The following UQCC1 variants were observed in gnomAD, a reference collection of about 807,000 sequenced individuals.
UQCC1 encodes the protein ubiquinol-cytochrome c reductase complex assembly factor 1, also known as bFGF-repressed Zic-binding protein.
A neutral mutation model predicts 48.0 loss-of-function variants in UQCC1; 38 were observed. The ratio of observed to expected loss-of-function variants is 0.79; its 90% CI spans 0.61 to 1.04. The LOEUF is 1.04. Among genes scored for constraint, UQCC1 ranks in the 50% least tolerant of loss-of-function variants. UQCC1 has a pLI of 0.00. For missense variants in UQCC1, 368 were observed against 381.8 expected (o/e 0.96, Z 0.30); for synonymous variants, 111 against 129.2 (o/e 0.86, Z 0.95).
At chr20:35,410,777 A>C (rs13039522) in intron 1 of UQCC1, among the ~76,000 whole-genome samples, 8 of 141,744 alleles carry the variant, frequency 5.6e-5, no homozygotes, top group Admixed American at 1.4e-4. Flanking sequence ...AAAAAAAAAA[A>C]CCACTAAATT....
At chr20:35,409,862 G>C (rs997435939) in intron 1 of UQCC1, among the ~76,000 whole-genome samples, 2 of 151,946 alleles carry the variant, frequency 1.3e-5, no homozygotes, top group African/African-American at 2.4e-5. Flanking sequence ...CTGGACTGCA[G>C]TGGCACAATC....
intron 6 of UQCC1, among the ~76,000 whole-genome samples, chr20:35,355,760 A>G (rs1234698011): frequency 6.6e-6 from 1 of 152,094 alleles, no homozygotes; most frequent in African/African-American, 2.4e-5. Context: ...CTCAGCTACT[A>G]GTTTCTTAGG....
chr20:35,313,669 A>T (rs780681673), intron 8 of UQCC1, among the ~76,000 whole-genome samples: 3 of 152,168 alleles, frequency 2.0e-5, no homozygotes, highest in African/African-American at 4.8e-5. Context: ...GCTGGAGTGC[A>T]GTGGCGCAAT....
intron 7 of UQCC1, among the ~76,000 whole-genome samples, chr20:35,335,131 T>A (rs1418046844): frequency 6.6e-6 from 1 of 152,232 alleles, no homozygotes; most frequent in Non-Finnish European, 1.5e-5. Context: ...AATTTCATTA[T>A]AAACAAATGA....
chr20:35,353,929 AT>A (rs2061518318), intron 6 of UQCC1, among the ~76,000 whole-genome samples: 1 of 152,278 alleles, frequency 6.6e-6, no homozygotes, highest in East Asian at 1.9e-4. Context: ...CAAGAATACC[AT>A]TTTTTATTTC....
At chr20:35,348,810 C>T (rs755383470) in intron 6 of UQCC1, among the ~76,000 whole-genome samples, 40 of 152,136 alleles carry the variant, frequency 2.6e-4, no homozygotes, top group Non-Finnish European at 4.3e-4. Flanking sequence ...TGCACCACCA[C>T]GCCCAGCTAA....
chr20:35,339,271 C>T (rs1314567382), intron 7 of UQCC1, among the ~76,000 whole-genome samples: 1 of 152,136 alleles, frequency 6.6e-6, no homozygotes, highest in Non-Finnish European at 1.5e-5. Flanking sequence ...GTTTAAGACA[C>T]CAGAAATCCA....
chr20:35,331,858 A>G (rs2061260898), intron 7 of UQCC1, among the ~76,000 whole-genome samples: 1 of 152,212 alleles, frequency 6.6e-6, no homozygotes, highest in South Asian at 2.1e-4. Flanking sequence ...TGCTATTGAA[A>G]ATGTCCAAAT....
intron 4 of UQCC1, among the ~76,000 whole-genome samples, chr20:35,379,584 C>T (rs1217849597): frequency 1.3e-5 from 2 of 152,164 alleles, no homozygotes; most frequent in Non-Finnish European, 2.9e-5. Flanking sequence ...CAGGCGGAAT[C>T]ACTTGAGGTC....
chr20:35,387,404 T>C (rs1185931063), intron 2 of UQCC1, among the ~76,000 whole-genome samples: 1 of 152,196 alleles, frequency 6.6e-6, no homozygotes, highest in Non-Finnish European at 1.5e-5. Context: ...CTGCTCCTTT[T>C]AGCAACTATA....
Position 35,303,950 on chromosome 20 carries a change from G to A in UQCC1, c.885C>T (p.Asn295=), listed in dbSNP as rs752307048. The A allele has an allele frequency of 1.9e-6, 3 of 1,614,092 alleles. No individual in the cohort carries two copies. The highest frequency in any genetic ancestry group is 1.7e-5 in the Admixed American group (1 of 60,008). ...SILKPHSPTY[N]DEGL is the part of the protein sequence containing the mutation. ...GCCCAGCCCATCAAAGTCCCTCGTC[G>A]TTGTAAGTCGGAGAATGGGGCTTCA... Residue 295 remains asparagine (N), a synonymous_variant, in exon 10 of 10, where the codon AAC becomes AAT. Transcript: ENST00000374385.
At chr20:35,308,714 C>CTTTGT (rs748466461) in intron 8 of UQCC1, among the ~76,000 whole-genome samples, 6 of 152,158 alleles carry the variant, frequency 3.9e-5, no homozygotes, top group Non-Finnish European at 8.8e-5. Context: ...ATTTGCTTTG[C>CTTTGT]TTTGTTTTGT....
intron 7 of UQCC1, among the ~76,000 whole-genome samples, chr20:35,343,392 A>G (rs1158153399): frequency 1.3e-5 from 2 of 152,150 alleles, no homozygotes; most frequent in African/African-American, 4.8e-5. Context: ...TACACTGCCT[A>G]TTACTTCTCC....
In UQCC1 at chr20:35,346,911, G is replaced by C. The variant is rs937979697; in HGVS notation, c.573+253C>G. ...CATCCCTCCTATCACCACGATTTGG[G>C]CTTTACAATCCCATCTCCATACAGG... On this transcript the variant is annotated intron_variant, in intron 7 of 9. Coordinates refer to ENST00000374385, the MANE Select transcript of UQCC1 (RefSeq NM_018244.5). 1.2e-5 allele frequency: 16 copies of C among 1,353,708 alleles called. No individual in the cohort carries two copies. The Admixed American group carries it at 4.0e-4, about 34-fold the overall frequency. The allele number at this position is 1,353,708 out of a possible 1,614,324, so 83.9% of individuals were successfully genotyped here.
intron 7 of UQCC1, among the ~76,000 whole-genome samples, chr20:35,318,507 C>T (rs1477122885): frequency 3.9e-5 from 6 of 152,200 alleles, no homozygotes; most frequent in Non-Finnish European, 8.8e-5. Flanking sequence ...CCAGGAAAAA[C>T]GGAGTGCAAG....
chr20:35,326,132 TGA>T (rs1357449722), intron 7 of UQCC1, among the ~76,000 whole-genome samples: 1 of 152,070 alleles, frequency 6.6e-6, no homozygotes, highest in Non-Finnish European at 1.5e-5. Flanking sequence ...ATGGTGTAGA[TGA>T]GAGTCTGTAA....
At chr20:35,374,379 G>A (rs2061771869) in intron 4 of UQCC1, 123 bp from the exon 5 acceptor site, 1 of 603,100 alleles carries the variant, frequency 1.7e-6, no homozygotes, top group Admixed American at 3.6e-5. Context: ...CCACTCTCTA[G>A]GTAATTTAAA....
rs181879897 is a variant in UQCC1 at position 35,311,105 on chromosome 20, G to A, written c.651+3583C>T. Among the ~76,000 whole-genome samples the A allele has an allele frequency of 2.6e-5, 4 of 152,208 alleles. No individual in the cohort carries two copies. The East Asian group carries it at 7.7e-4, about 29-fold the overall frequency. On this transcript the variant is annotated intron_variant, in intron 8 of 9. Coordinates refer to ENST00000374385, the MANE Select transcript of UQCC1 (RefSeq NM_018244.5). ...AGACCCTAAAGCTGACCAAGACTCAGCTACTGCCCTCAACCCCTCATTGTT... is the reference window on the plus strand; with the variant it reads ...AGACCCTAAAGCTGACCAAGACTCAACTACTGCCCTCAACCCCTCATTGTT...
chr20:35,359,689 G>A (rs192406385), intron 6 of UQCC1, among the ~76,000 whole-genome samples: 5 of 152,250 alleles, frequency 3.3e-5, no homozygotes, highest in South Asian at 2.1e-4. Context: ...GGGCAGGTTC[G>A]TCACTCTGGC....
Sources: gnomAD v4.1 joint callset for allele counts (sites outside exome capture counted in the v4.1 genomes callset) on GRCh38, gnomAD v4.1.1 for gene constraint, MANE v1.5 for transcripts, NCBI Gene and HGNC (gene_info 2026-07-23, HGNC 2026-07-21) for gene names.